Variants in SNX29 observed in about 807,000 individuals in gnomAD.
The protein encoded by SNX29 is sorting nexin-29.
SNX29 carries 78 observed loss-of-function variants against 102.1 expected under a neutral mutation model. That is an observed-to-expected ratio of 0.76 (90% confidence interval 0.64 to 0.92). SNX29 has a LOEUF of 0.92. SNX29 is among the 40% of genes least tolerant of loss of function. The pLI, the probability that SNX29 is intolerant of heterozygous loss-of-function variation, is 0.00. For missense variants in SNX29, 1,280 were observed against 1,061.7 expected (o/e 1.21, Z -2.86); for synonymous variants, 580 against 414.5 (o/e 1.40, Z -4.85).
At chr16:12,011,583 A>G (rs1179490222) in intron 3 of SNX29, among the ~76,000 whole-genome samples, 1 of 151,966 alleles carries the variant, frequency 6.6e-6, no homozygotes, top group African/African-American at 2.4e-5. Context: ...CCCTGAACCT[A>G]TTTTTATATC....
chr16:12,131,304 T>C (rs1317088997), intron 13 of SNX29, among the ~76,000 whole-genome samples: 1 of 152,242 alleles, frequency 6.6e-6, no homozygotes, highest in Non-Finnish European at 1.5e-5. Flanking sequence ...TGTCACTTTG[T>C]TTATATACTA....
intron 14 of SNX29, among the ~76,000 whole-genome samples, chr16:12,235,352 A>G (rs1367450234): frequency 1.3e-5 from 2 of 152,114 alleles, no homozygotes; most frequent in Admixed American, 1.3e-4. Flanking sequence ...CTTGCTGTGT[A>G]TGAGGCTGTC....
chr16:12,458,865 A>T (rs1042935745), intron 18 of SNX29, among the ~76,000 whole-genome samples: 2 of 152,220 alleles, frequency 1.3e-5, no homozygotes, highest in South Asian at 4.1e-4. Flanking sequence ...TACTGGCCCA[A>T]TCAGATTCTC....
chr16:12,555,845 T>TCA, intron 20 of SNX29, among the ~76,000 whole-genome samples: 1 of 152,262 alleles, frequency 6.6e-6, no homozygotes, highest in Non-Finnish European at 1.5e-5. Context: ...CCAACCCCCC[T>TCA]CACCACCTCC....
At chr16:12,051,789 C>T (rs1398900050) in intron 7 of SNX29, 58 bp from the exon 8 acceptor site, 3 of 1,578,848 alleles carry the variant, frequency 1.9e-6, no homozygotes, top group African/African-American at 1.4e-5. Flanking sequence ...TTGGTTCCAT[C>T]ATCCTTTTGT....
Position 12,322,821 on chromosome 16 carries a change from T to TGTCAG in SNX29, c.1783-33341_1783-33340insTCAGG, listed in dbSNP as rs1555510921. The stretch of plus-strand genomic sequence containing the variant: ...GTCAGGATATGGTCACTGGAATCAC[T>TGTCAG]GATGACCACTGTCAGGATGCGGTCA... On this transcript the variant is annotated intron_variant, in intron 15 of 20. Coordinates refer to ENST00000566228, the MANE Select transcript of SNX29 (RefSeq NM_032167.5). Among the ~76,000 whole-genome samples the TGTCAG allele has an allele frequency of 1.4e-5, 2 of 143,196 alleles. 1 individual carries two copies. Among genetic ancestry groups the TGTCAG allele is most frequent in the Non-Finnish European group, 3.1e-5 (2 of 64,626 alleles). 93.9% of individuals were successfully genotyped at this position (143,196 alleles called of 152,430 possible).
intron 14 of SNX29, among the ~76,000 whole-genome samples, chr16:12,239,038 C>G (rs927773098): frequency 6.6e-6 from 1 of 152,248 alleles, no homozygotes; most frequent in Non-Finnish European, 1.5e-5. Context: ...TCTCATCTCA[C>G]AACTTGAGTT....
At chr16:12,056,643 T>G (rs2050532626) in intron 8 of SNX29, among the ~76,000 whole-genome samples, 1 of 152,200 alleles carries the variant, frequency 6.6e-6, no homozygotes, top group Non-Finnish European at 1.5e-5. Context: ...TGGTCAAAGT[T>G]AGGCTTACTC....
chr16:12,555,850 A>G (rs932147229), intron 20 of SNX29, among the ~76,000 whole-genome samples: 5 of 150,412 alleles, frequency 3.3e-5, no homozygotes, highest in African/African-American at 1.2e-4. Flanking sequence ...CCCCCTCACC[A>G]CCTCCATCAT....
chr16:12,063,792 G>T (rs975922533), intron 9 of SNX29, among the ~76,000 whole-genome samples: 1 of 151,352 alleles, frequency 6.6e-6, no homozygotes, highest in East Asian at 1.9e-4. Context: ...CTCAGTTGAG[G>T]TCCCCTAAAA....
intron 13 of SNX29, among the ~76,000 whole-genome samples, chr16:12,142,017 G>C (rs1422751455): frequency 6.6e-6 from 1 of 152,238 alleles, no homozygotes; most frequent in South Asian, 2.1e-4. Context: ...CATCATCCTC[G>C]TGATGACCCA....
chr16:11,990,937 C>T (rs781425618), intron 1 of SNX29, among the ~76,000 whole-genome samples: 2 of 152,216 alleles, frequency 1.3e-5, no homozygotes, highest in South Asian at 2.1e-4. Context: ...AAGACCTGTT[C>T]GTTACATATT....
chr16:11,982,890 T>A (rs1297730769), intron 1 of SNX29, among the ~76,000 whole-genome samples: 2 of 152,264 alleles, frequency 1.3e-5, no homozygotes, highest in East Asian at 3.9e-4. Flanking sequence ...CTGACGTTAA[T>A]GTATATTTTG....
At chr16:12,497,356 C>T (rs2088881902) in intron 19 of SNX29, among the ~76,000 whole-genome samples, 1 of 152,212 alleles carries the variant, frequency 6.6e-6, no homozygotes, top group African/African-American at 2.4e-5. Flanking sequence ...ATTTCCTGCC[C>T]TCAGAGAGTT....
intron 19 of SNX29, among the ~76,000 whole-genome samples, chr16:12,524,332 T>C (rs572596403): frequency 2.5e-3 from 386 of 152,076 alleles, no homozygotes; most frequent in African/African-American, 9.1e-3. Flanking sequence ...CTGGATTGAT[T>C]TGTGTCTCCC....
chr16:12,180,963 A>G (rs1437429378), intron 13 of SNX29, among the ~76,000 whole-genome samples: 1 of 151,962 alleles, frequency 6.6e-6, no homozygotes, highest in African/African-American at 2.4e-5. Context: ...CCTCTTCTCT[A>G]ATGTCTCGCT....
In SNX29 at chr16:12,356,163, G is replaced by C. The variant is rs745844826; in HGVS notation, c.1783G>C (p.Val595Leu). 18 of 1,612,036 alleles carry C rather than the reference G, an allele frequency of 1.1e-5. No individual in the cohort carries two copies. In the South Asian group the frequency reaches 2.0e-4, roughly 18 times the overall value. The change falls in exon 16 of 21, where the codon GTG (valine) becomes CTG (leucine). Residue 595 changes from valine to leucine, a missense_variant and splice_region_variant. Transcript: ENST00000566228. ...ASSYERKLIE[V>L]AEMHGELIEF... ...TCACCTTTCCGTGCTTGTGTTCCAGGTGGCAGAGATGCATGGCGAGCTGAT... is the reference window on the plus strand; with the variant it reads ...TCACCTTTCCGTGCTTGTGTTCCAGCTGGCAGAGATGCATGGCGAGCTGAT...
At chr16:12,536,744 A>C (rs888120632) in intron 20 of SNX29, among the ~76,000 whole-genome samples, 2 of 152,168 alleles carry the variant, frequency 1.3e-5, no homozygotes, top group African/African-American at 2.4e-5. Flanking sequence ...TTGGGAGGTC[A>C]AGGCAGGCGG....
intron 13 of SNX29, among the ~76,000 whole-genome samples, chr16:12,177,095 A>C (rs1297918174): frequency 1.3e-5 from 2 of 152,064 alleles, no homozygotes; most frequent in Non-Finnish European, 2.9e-5. Context: ...CTAGAGGTAC[A>C]CACCACTACA....
Sources: gnomAD v4.1 joint callset for allele counts (sites outside exome capture counted in the v4.1 genomes callset) on GRCh38, gnomAD v4.1.1 for gene constraint, MANE v1.5 for transcripts, NCBI Gene and HGNC (gene_info 2026-07-23, HGNC 2026-07-21) for gene names.